ERCC6: variants seen among roughly 807,000 people sequenced by gnomAD.
ERCC6 encodes the protein DNA excision repair protein ERCC-6.
In ERCC6, 116 loss-of-function variants were observed where a neutral mutation model predicts 158.7. The ratio of observed to expected loss-of-function variants is 0.73; its 90% CI spans 0.63 to 0.85. The LOEUF (loss-of-function observed/expected upper bound fraction) is 0.85, where lower values mean the gene tolerates loss of function less well. Ranked by LOEUF, ERCC6 falls within the 40% of genes least tolerant of loss-of-function variation. The pLI, the probability that ERCC6 is intolerant of heterozygous loss-of-function variation, is 0.00. For synonymous variants in ERCC6, 678 were observed against 659.3 expected (o/e 1.03, Z -0.43); for missense variants, 1,698 against 1,799.4 (o/e 0.94, Z 1.02).
chr10:49,476,159 T>A, intron 12 of ERCC6, 56 bp downstream of exon 12: 2 of 1,230,596 alleles, frequency 1.6e-6, no homozygotes, highest in South Asian at 1.2e-5. Flanking sequence ...TTTCTTTTCC[T>A]CCCTCACTTC....
chr10:49,526,081 T>A, intron 4 of ERCC6, among the ~76,000 whole-genome samples: 1 of 140,784 alleles, frequency 7.1e-6, no homozygotes, highest in East Asian at 2.0e-4. Flanking sequence ...TCTTTTGGTT[T>A]TATTTATATT....
At chr10:49,527,836 C>T (rs1817673311) in intron 4 of ERCC6, among the ~76,000 whole-genome samples, 1 of 152,144 alleles carries the variant, frequency 6.6e-6, no homozygotes, top group African/African-American at 2.4e-5. Context: ...TATGCAGCCA[C>T]CAACAATTTG....
rs551194914 is a variant in ERCC6, at chr10:49,461,266, G to C, written c.3983+86C>G. 1.3e-4 allele frequency: 165 copies of C among 1,317,828 alleles called. 2 individuals are homozygous for C. In the South Asian group the frequency reaches 1.8e-3, roughly 14 times the overall value. The allele number at this position is 1,317,828 out of a possible 1,614,324, so 81.6% of individuals were successfully genotyped here. On this transcript the variant is annotated intron_variant, in intron 19 of 20. Transcript: ENST00000355832. ...GATTTATTCCTGAAGAGAAATAACA[G>C]TATAAGCCTCCACACCTGCCCTGAT...
chr10:49,474,302 G>T, intron 12 of ERCC6, 60 bp from the exon 13 acceptor site: 1 of 1,345,042 alleles, frequency 7.4e-7, no homozygotes, highest in Non-Finnish European at 1.1e-6. Context: ...AGATTCCCTA[G>T]GCAAGGAGGC....
At chr10:49,521,444 C>CA (rs755534739) in intron 5 of ERCC6, among the ~76,000 whole-genome samples, 11 of 152,168 alleles carry the variant, frequency 7.2e-5, no homozygotes, top group Admixed American at 2.6e-4. Flanking sequence ...CCCAGGCCCA[C>CA]AATGTGCAAA....
At chr10:49,462,124 T>G (rs535674253) in intron 18 of ERCC6, among the ~76,000 whole-genome samples, 1 of 152,230 alleles carries the variant, frequency 6.6e-6, no homozygotes, top group African/African-American at 2.4e-5. Flanking sequence ...AACACCCTAT[T>G]GGACAATAAA....
intron 5 of ERCC6, among the ~76,000 whole-genome samples, chr10:49,517,708 C>T (rs1185171055): frequency 2.0e-5 from 3 of 151,952 alleles, no homozygotes; most frequent in South Asian, 2.1e-4. Context: ...CACATCACCA[C>T]ACCCAGCTAA....
rs4253232 is a variant in ERCC6 at position 49,458,729 on chromosome 10, T to C, written c.*86A>G. The C allele has an allele frequency of 2.7e-4, 380 of 1,394,866 alleles. No homozygotes were observed. The African/African-American group carries it at 3.5e-3, about 13-fold the overall frequency. 86.4% of individuals were successfully genotyped at this position (1,394,866 alleles called of 1,614,324 possible). ...AAACATCAAGTGCAGCCAACTTCCATTGACAAACATGATTATTAATAATAA... is the reference window on the plus strand; with the variant it reads ...AAACATCAAGTGCAGCCAACTTCCACTGACAAACATGATTATTAATAATAA... On this transcript the variant is annotated 3_prime_UTR_variant, in exon 21 of 21. Coordinates refer to ENST00000355832, the MANE Select transcript of ERCC6 (RefSeq NM_000124.4).
At chr10:49,472,560 G>A in intron 15 of ERCC6, 90 bp from the exon 16 acceptor site, 2 of 1,322,962 alleles carry the variant, frequency 1.5e-6, no homozygotes, top group Non-Finnish European at 1.1e-6. Context: ...GTCACTACCT[G>A]TCACTCCCAG....
chr10:49,474,069 G>C lies in ERCC6; in HGVS notation c.2556C>G (p.His852Gln). 6.2e-7 allele frequency: 1 copy of C among 1,614,054 alleles called. No individual in the cohort carries two copies. Among genetic ancestry groups the C allele is most frequent in the Non-Finnish European group, 8.5e-7 (1 of 1,180,016 alleles). ...IVVESLLKIWHKQGQRVLLFS... is the reference protein window; with the variant it reads ...IVVESLLKIWQKQGQRVLLFS... ...ACAGCAATACTCGCTGACCCTGCTTGTGCCATATTTTCAACAAAGACTCAA... is the reference window on the plus strand; with the variant it reads ...ACAGCAATACTCGCTGACCCTGCTTCTGCCATATTTTCAACAAAGACTCAA... Residue 852 changes from histidine to glutamine, a missense_variant, in exon 13 of 21, where the codon CAC (histidine) becomes CAG (glutamine). Physicochemically the swap from His to Gln is conservative, Grantham distance 24 (BLOSUM62 0). Transcript: ENST00000355832.
At chr10:49,460,323 T>C (rs1325393786) in intron 20 of ERCC6, 50 bp downstream of exon 20, 11 of 1,303,918 alleles carry the variant, frequency 8.4e-6, no homozygotes, top group Non-Finnish European at 1.2e-5. Context: ...TTTCACAGCA[T>C]TCAATCAAGC....
chr10:49,512,561 A>G (rs1836839127), intron 5 of ERCC6, among the ~76,000 whole-genome samples: 1 of 152,246 alleles, frequency 6.6e-6, no homozygotes, highest in South Asian at 2.1e-4. Context: ...AAAGCATAAC[A>G]TCAATAAAAC....
chr10:49,472,597 A>G, intron 15 of ERCC6, 127 bp from the exon 16 acceptor site: 1 of 940,292 alleles, frequency 1.1e-6, no homozygotes, highest in Non-Finnish European at 1.7e-6. Flanking sequence ...CATGACGTCA[A>G]GTACACCTAA....
chr10:49,471,157 T>A (rs766750385), intron 16 of ERCC6, 37 bp from the exon 17 acceptor site: 4 of 1,605,618 alleles, frequency 2.5e-6, no homozygotes, highest in South Asian at 1.1e-5. Context: ...TAAAACAATG[T>A]GTAGCTCTAC....
intron 18 of ERCC6, among the ~76,000 whole-genome samples, chr10:49,462,179 A>G (rs757069702): frequency 6.6e-6 from 1 of 152,246 alleles, no homozygotes; most frequent in Non-Finnish European, 1.5e-5. Flanking sequence ...AAGAAGAGAC[A>G]CAACAGGAGA....
Position 49,459,065 on chromosome 10 carries a change from T to C in ERCC6, c.4232A>G (p.His1411Arg), listed in dbSNP as rs1401528384. ...CAGCAGGGCAGAAGCTTCCTGCAGG[T>C]GCCCGCTTTCACTTTCTAAACGCTC... ...LPERLESESG[H>R]LQEASALLPT... is the part of the protein sequence containing the mutation. Residue 1411 changes from histidine (H) to arginine (R), a missense_variant, in exon 21 of 21, where the codon CAC becomes CGC. Physicochemically the swap from His to Arg is conservative, Grantham distance 29. Transcript: ENST00000355832. 1.7e-5 allele frequency: 27 copies of C among 1,614,164 alleles called. No homozygotes were observed. Among genetic ancestry groups the C allele is most frequent in the Non-Finnish European group, 2.3e-5 (27 of 1,180,014 alleles).
the ERCC6 span, among the ~76,000 whole-genome samples, chr10:49,438,968 C>T: frequency 3.3e-5 from 5 of 152,194 alleles, no homozygotes; most frequent in Admixed American, 6.5e-5. Flanking sequence ...TGGGAAGCTC[C>T]GCCCCTGTGG....
chr10:49,474,151 T>C lies in ERCC6; in HGVS notation c.2474A>G (p.Asp825Gly), dbSNP rs1850833374. 6.2e-7 allele frequency: 1 copy of C among 1,614,164 alleles called. No individual in the cohort carries two copies. Among genetic ancestry groups the C allele is most frequent in the Non-Finnish European group, 8.5e-7 (1 of 1,180,030 alleles). ...CCCAAACTGATCTTCTTCTAGTTCA[T>C]CATCAGGAAGACCTTTGAGATTCTT... ...GPKNLKGLPDDELEEDQFGYW... is the reference protein window; with the variant it reads ...GPKNLKGLPDGELEEDQFGYW... Residue 825 changes from aspartate to glycine, a missense_variant, in exon 13 of 21, where the codon GAT (aspartate) becomes GGT (glycine). Physicochemically the swap from Asp to Gly is moderately conservative, Grantham distance 94. Transcript: ENST00000355832.
intron 10 of ERCC6, among the ~76,000 whole-genome samples, chr10:49,478,825 C>A (rs1850925549): frequency 6.6e-6 from 1 of 152,120 alleles, no homozygotes; most frequent in South Asian, 2.1e-4. Flanking sequence ...ACCACCAGCC[C>A]TAGGGGAAAA....
Sources: allele counts gnomAD v4.1 joint callset (sites outside exome capture counted in the v4.1 genomes callset), GRCh38; gene constraint gnomAD v4.1.1; transcripts MANE v1.5; gene names NCBI Gene and HGNC (gene_info 2026-07-23, HGNC 2026-07-21).